RALB: variants seen among roughly 807,000 people sequenced by gnomAD.
RALB encodes the protein RAS like proto-oncogene B.
In RALB, 16 loss-of-function variants were observed where a neutral mutation model predicts 21.3. The ratio of observed to expected loss-of-function variants is 0.75; its 90% CI spans 0.51 to 1.14. The LOEUF is 1.14. RALB is among the 50% of genes most tolerant of loss of function. The pLI, the probability that RALB is intolerant of heterozygous loss-of-function variation, is 0.00. For synonymous variants in RALB, 93 were observed against 96.1 expected (o/e 0.97, Z 0.19); for missense variants, 161 against 256.2 (o/e 0.63, Z 2.54).
At chr2:120,282,063 C>T (rs1055099083) in intron 2 of RALB, among the ~76,000 whole-genome samples, 11 of 152,192 alleles carry the variant, frequency 7.2e-5, no homozygotes, top group Admixed American at 6.5e-4. Flanking sequence ...AAAATATCCA[C>T]AATGCCACTG....
chr2:120,245,945 C>T (rs186940144), intron 1 of RALB, among the ~76,000 whole-genome samples: 1 of 152,318 alleles, frequency 6.6e-6, no homozygotes. Context: ...TTGATCCCCA[C>T]CCCAGAGATG....
chr2:120,250,508 T>C (rs2104571564), upstream of RALB, among the ~76,000 whole-genome samples: 1 of 152,336 alleles, frequency 6.6e-6, no homozygotes, highest in South Asian at 2.1e-4. Context: ...AAGTTTCCAG[T>C]GCTCACAAGA....
upstream of RALB, among the ~76,000 whole-genome samples, chr2:120,248,578 G>T (rs1346829346): frequency 2.6e-5 from 4 of 151,224 alleles, no homozygotes; most frequent in Non-Finnish European, 4.4e-5. Context: ...CACTGTGCGT[G>T]GACCCCCGGA....
chr2:120,241,342 G>A (rs1349531830), intron 1 of RALB, among the ~76,000 whole-genome samples: 2 of 152,228 alleles, frequency 1.3e-5, no homozygotes, highest in Non-Finnish European at 2.9e-5. Flanking sequence ...GAAGATCCAT[G>A]GAGTGCCTGC....
At chr2:120,266,572 G>A (rs1053521448) in intron 1 of RALB, among the ~76,000 whole-genome samples, 3 of 152,090 alleles carry the variant, frequency 2.0e-5, no homozygotes, top group African/African-American at 4.8e-5. Flanking sequence ...TTAGGTGGGC[G>A]TGGTGGTGTG....
At chr2:120,258,902 C>G (rs1033632682) in intron 1 of RALB, among the ~76,000 whole-genome samples, 7 of 152,048 alleles carry the variant, frequency 4.6e-5, no homozygotes, top group Admixed American at 6.6e-5. Flanking sequence ...GGTGGCACGT[C>G]TGGAGTCTGT....
chr2:120,244,032 A>C (rs1212854678), intron 1 of RALB, among the ~76,000 whole-genome samples: 3 of 152,180 alleles, frequency 2.0e-5, no homozygotes, highest in African/African-American at 7.2e-5. Flanking sequence ...GGAAACTTAC[A>C]ATCATGGCAG....
At chr2:120,248,932 A>C (rs148322094), upstream of RALB, among the ~76,000 whole-genome samples, 1 of 152,016 alleles carries the variant, frequency 6.6e-6, no homozygotes, top group Non-Finnish European at 1.5e-5. Context: ...GGCCTCTCAA[A>C]GTGCTGGGAT....
At chr2:120,265,234 C>T (rs917841341) in intron 1 of RALB, among the ~76,000 whole-genome samples, 2 of 152,222 alleles carry the variant, frequency 1.3e-5, no homozygotes, top group East Asian at 1.9e-4. Flanking sequence ...CTAGCCCGTA[C>T]GGTACAGCCT....
chr2:120,278,289 C>T (rs527401113), intron 1 of RALB, among the ~76,000 whole-genome samples: 43 of 152,280 alleles, frequency 2.8e-4, no homozygotes, highest in African/African-American at 1.0e-3. Context: ...ACTGGAGCTA[C>T]GAGCGGTTTG....
At chr2:120,288,325 A>C (rs1399540311) in intron 3 of RALB, among the ~76,000 whole-genome samples, 1 of 149,394 alleles carries the variant, frequency 6.7e-6, no homozygotes, top group Non-Finnish European at 1.5e-5. Flanking sequence ...ACTTAAATTG[A>C]CTACATGAAA....
chr2:120,286,155 A>C, intron 3 of RALB, 73 bp downstream of exon 3: 1 of 1,314,224 alleles, frequency 7.6e-7, no homozygotes, highest in Non-Finnish European at 1.1e-6. Context: ...AGGCCTATGA[A>C]GAATTTGGGG....
intron 1 of RALB, among the ~76,000 whole-genome samples, chr2:120,242,746 G>GTAA (rs1688915054): frequency 6.6e-6 from 1 of 151,754 alleles, no homozygotes; most frequent in Admixed American, 6.6e-5. Context: ...TCAAAAAATA[G>GTAA]TAATAATAAT....
At chr2:120,260,836 A>T (rs1689348683) in intron 1 of RALB, among the ~76,000 whole-genome samples, 1 of 152,174 alleles carries the variant, frequency 6.6e-6, no homozygotes, top group Non-Finnish European at 1.5e-5. Context: ...TTTTTATTGG[A>T]GCTAGCTACG....
intron 1 of RALB, among the ~76,000 whole-genome samples, chr2:120,241,122 G>A (rs939956202): frequency 2.0e-5 from 3 of 152,212 alleles, no homozygotes; most frequent in East Asian, 1.9e-4. Flanking sequence ...ACTGCCCAGT[G>A]GCGAAAATCA....
chr2:120,260,044 A>AGT (rs1267274330), intron 1 of RALB, among the ~76,000 whole-genome samples: 9 of 152,300 alleles, frequency 5.9e-5, no homozygotes, highest in African/African-American at 2.2e-4. Context: ...GGCTGCTCCG[A>AGT]GTGCGGGGCC....
At chr2:120,270,286 T>G (rs1040108734) in intron 1 of RALB, among the ~76,000 whole-genome samples, 7 of 152,250 alleles carry the variant, frequency 4.6e-5, no homozygotes, top group Non-Finnish European at 8.8e-5. Context: ...CCATTACTGC[T>G]TCCTGTTGGG....
intron 3 of RALB, among the ~76,000 whole-genome samples, 200 bp downstream of exon 3, chr2:120,286,282 G>A (rs1012704354): frequency 6.6e-6 from 1 of 152,096 alleles, no homozygotes; most frequent in African/African-American, 2.4e-5. Flanking sequence ...ATCTCTTTGG[G>A]CTTTCCTGAT....
chr2:120,293,109 T>C, intron 4 of RALB, 32 bp from the exon 5 acceptor site: 1 of 1,558,790 alleles, frequency 6.4e-7, no homozygotes, highest in Non-Finnish European at 8.6e-7. Context: ...CTTTCTTCAC[T>C]ATTCTTTTTA....
Sources: allele counts gnomAD v4.1 joint callset (sites outside exome capture counted in the v4.1 genomes callset), GRCh38; gene constraint gnomAD v4.1.1; transcripts MANE v1.5; gene names NCBI Gene and HGNC (gene_info 2026-07-23, HGNC 2026-07-21).